The following PIGG variants were observed in gnomAD, a reference collection of about 807,000 sequenced individuals.
PIGG encodes the protein GPI ethanolamine phosphate transferase 2, catalytic subunit.
Under a neutral mutation model 83.2 loss-of-function variants are expected in PIGG, and 70 were observed. That is an observed-to-expected ratio of 0.84 (90% CI 0.69 to 1.03). The LOEUF is 1.03. Among genes scored for constraint, PIGG ranks in the 50% least tolerant of loss-of-function variants. PIGG has a pLI of 0.00. For synonymous variants in PIGG, 532 were observed against 519.5 expected (o/e 1.02, Z -0.33); for missense variants, 1,257 against 1,233.6 (o/e 1.02, Z -0.28).
Position 539,300 on chromosome 4 carries a change from C to T in PIGG, c.2883C>T (p.His961=), listed in dbSNP as rs370162435. The change falls in exon 13 of 13, where the codon CAC becomes CAT. Residue 961 remains histidine, a synonymous_variant. Coordinates refer to ENST00000453061, the MANE Select transcript of PIGG (RefSeq NM_001127178.3). The part of the protein sequence containing the change: ...FSPKLLYEGM[H]LLITAAVCVF... ...CAAAACTTCTCTACGAGGGAATGCA[C>T]CTGCTCATTACAGCTGCTGTCTGTG... 26 of 1,613,472 alleles carry T rather than the reference C, an allele frequency of 1.6e-5. No homozygotes were observed. The highest frequency in any genetic ancestry group is 2.7e-5 in the African/African-American group (2 of 74,918).
chr4:529,672 A>G (rs1041855280), intron 10 of PIGG, among the ~76,000 whole-genome samples: 2 of 152,228 alleles, frequency 1.3e-5, no homozygotes, highest in African/African-American at 4.8e-5. Context: ...ACAGATAACT[A>G]TCATAAGAGT....
Position 523,717 on chromosome 4 carries a change from G to A in PIGG, c.1873G>A (p.Gly625Arg), listed in dbSNP as rs374509382. The change falls in exon 9 of 13, where the codon GGG becomes AGG. Residue 625 changes from glycine (G) to arginine (R), a missense_variant. Transcript: ENST00000453061. ...CGGGGCCACAGCAGCGTGGCAGGAC[G>A]GGCCTGGCTGTGATGTCCTGGAGCG... The part of the protein sequence containing the change: ...HDGATAAWQD[G>R]PGCDVLERDK... The A allele has an allele frequency of 8.7e-6, 14 of 1,614,102 alleles. No individual in the cohort carries two copies. The highest frequency in any genetic ancestry group is 3.3e-5 in the Admixed American group (2 of 60,018).
At chr4:504,751 A>C (rs1347480606) in intron 2 of PIGG, among the ~76,000 whole-genome samples, 3 of 152,174 alleles carry the variant, frequency 2.0e-5, no homozygotes, top group Non-Finnish European at 4.4e-5. Flanking sequence ...TAAATCACAG[A>C]GATCTGTTAC....
chr4:509,645 G>C (rs1450376633), intron 5 of PIGG, among the ~76,000 whole-genome samples: 6 of 152,240 alleles, frequency 3.9e-5, no homozygotes, highest in Admixed American at 1.3e-4. Context: ...AGCACCCTTA[G>C]TGCTGCTGGT....
chr4:504,082 AG>A (rs1718742541), intron 2 of PIGG, among the ~76,000 whole-genome samples: 1 of 152,188 alleles, frequency 6.6e-6, no homozygotes, highest in Admixed American at 6.5e-5. Context: ...GCCCCACCCT[AG>A]GAATGTTGGT....
intron 9 of PIGG, chr4:525,118 G>A (rs1044010605): frequency 7.7e-5 from 70 of 914,054 alleles, no homozygotes; most frequent in Middle Eastern, 1.1e-3. Flanking sequence ...TTTGCCCTTA[G>A]CAAAGCTCCT....
intron 12 of PIGG, among the ~76,000 whole-genome samples, chr4:536,017 C>T (rs1358012962): frequency 6.6e-6 from 1 of 152,238 alleles, no homozygotes; most frequent in East Asian, 1.9e-4. Context: ...GCACGCACAC[C>T]CGTGCCTGCC....
chr4:532,878 G>A (rs1346381553), intron 11 of PIGG: 1 of 153,184 alleles, frequency 6.5e-6, no homozygotes, highest in Non-Finnish European at 1.5e-5. Flanking sequence ...GCGTGGGGAG[G>A]CGGGGCCTGG....
At chr4:521,314 A>G in intron 7 of PIGG, 41 bp downstream of exon 7, 1 of 1,333,318 alleles carries the variant, frequency 7.5e-7, no homozygotes, top group Non-Finnish European at 1.1e-6. Context: ...TGTTGCATTG[A>G]TTTGATAACT....
intron 10 of PIGG, 169 bp downstream of exon 10, chr4:527,399 T>C (rs951252684): frequency 4.7e-5 from 64 of 1,363,950 alleles, no homozygotes; most frequent in Non-Finnish European, 5.8e-5. Context: ...CAACAGCTAC[T>C]GGAGTGTAAC....
At chr4:499,587 C>G in intron 1 of PIGG, 98 bp downstream of exon 1, 1 of 1,447,530 alleles carries the variant, frequency 6.9e-7, no homozygotes, top group African/African-American at 1.4e-5. Flanking sequence ...CTCGGCGCTC[C>G]CCGGTGGTCT....
rs536223746 is a variant in PIGG, at chr4:506,471, C to T, written c.570+544C>T. Among the ~76,000 whole-genome samples, 4 of 152,322 alleles carry T rather than the reference C, an allele frequency of 2.6e-5. No individual in the cohort carries two copies. In the East Asian group the frequency reaches 7.7e-4, roughly 29 times the overall value. ...GGGCTGAGGTAGGAGCACACCAGCA[C>T]ACCTGCCTGGCCTGGGGTTTAGCCA... is the stretch of plus-strand genomic sequence containing the variant. On this transcript the variant is annotated intron_variant, in intron 3 of 12. Coordinates refer to ENST00000453061, the MANE Select transcript of PIGG (RefSeq NM_001127178.3).
intron 6 of PIGG, among the ~76,000 whole-genome samples, chr4:517,665 A>G (rs893578578): frequency 2.0e-5 from 3 of 152,086 alleles, no homozygotes; most frequent in African/African-American, 7.2e-5. Context: ...GAGTGGGGGA[A>G]GGCCTGGCTG....
At chr4:505,655 A>C (rs1553878451) in intron 2 of PIGG, 63 bp from the exon 3 acceptor site, 3 of 1,100,446 alleles carry the variant, frequency 2.7e-6, no homozygotes, top group Non-Finnish European at 4.0e-6. Context: ...AAAAATCTTC[A>C]GTGCCCTTTT....
chr4:535,645 G>A lies in PIGG; in HGVS notation c.2735+1664G>A, dbSNP rs181351841. ...TCCTACGTCCTCCCATGACTGAACC[G>A]TCGCTCTCGCGGTGCTGACTGCTGA... On this transcript the variant is annotated intron_variant, in intron 12 of 12. Coordinates refer to ENST00000453061, the MANE Select transcript of PIGG (RefSeq NM_001127178.3). Among the ~76,000 whole-genome samples, 453 of 152,242 alleles carry A rather than the reference G, an allele frequency of 3.0e-3. 1 individual carries two copies. Among genetic ancestry groups the A allele is most frequent in the African/African-American group, 0.01 (433 of 41,578 alleles).
Position 527,270 on chromosome 4 carries a change from A to G in PIGG, c.2261+40A>G, listed in dbSNP as rs116404571. Reference sequence around the variant, plus strand: ...GACACGGGGTGCATAGAGCCACTTTACTGTTTGAAGAACTGGCGGACACGG... The same window carrying G: ...GACACGGGGTGCATAGAGCCACTTTGCTGTTTGAAGAACTGGCGGACACGG... On this transcript the variant is annotated intron_variant, in intron 10 of 12. Transcript: ENST00000453061. 950 of 1,528,294 alleles carry G rather than the reference A, an allele frequency of 6.2e-4. 5 individuals carry two copies. The African/African-American group carries it at 0.012, about 19-fold the overall frequency. The allele number at this position is 1,528,294 out of a possible 1,614,324, so 94.7% of individuals were successfully genotyped here. A position where few individuals can be genotyped will look rare whatever the true frequency, so the allele number is the denominator to read the frequency against.
intron 3 of PIGG, among the ~76,000 whole-genome samples, chr4:507,046 T>G (rs1719964626): frequency 6.6e-6 from 1 of 152,238 alleles, no homozygotes; most frequent in South Asian, 2.1e-4. Flanking sequence ...GTAGAATATA[T>G]TCGATCCATA....
At chr4:509,902 T>C (rs1315989031) in intron 5 of PIGG, among the ~76,000 whole-genome samples, 3 of 152,218 alleles carry the variant, frequency 2.0e-5, no homozygotes, top group Non-Finnish European at 2.9e-5. Flanking sequence ...TGCAGACTTA[T>C]TGATGGATTT....
chr4:513,538 C>G (rs1354458362), intron 5 of PIGG, among the ~76,000 whole-genome samples: 4 of 152,110 alleles, frequency 2.6e-5, no homozygotes, highest in African/African-American at 9.7e-5. Flanking sequence ...CAGAGCAGGT[C>G]TGTTTTATTT....
Sources: allele counts gnomAD v4.1 joint callset (sites outside exome capture counted in the v4.1 genomes callset), GRCh38; gene constraint gnomAD v4.1.1; transcripts MANE v1.5; gene names NCBI Gene and HGNC (gene_info 2026-07-23, HGNC 2026-07-21).